The following PSMB3 variants were observed in gnomAD, a reference collection of about 807,000 sequenced individuals.
The protein encoded by PSMB3 is proteasome subunit beta type-3.
Under a neutral mutation model 23.3 loss-of-function variants are expected in PSMB3, and 5 were observed. That is an observed-to-expected ratio of 0.21 (90% CI 0.11 to 0.45). PSMB3 has a LOEUF of 0.45. Ranked by LOEUF, PSMB3 falls within the 20% of genes least tolerant of loss-of-function variation. PSMB3 has a pLI of 0.99. For synonymous variants in PSMB3, 85 were observed against 99.8 expected (o/e 0.85, Z 0.88); for missense variants, 192 against 277.9 (o/e 0.69, Z 2.20).
intron 5 of PSMB3, 117 bp downstream of exon 5, chr17:38,762,622 GC>G (rs1908492642): frequency 1.1e-6 from 1 of 936,150 alleles, no homozygotes; most frequent in East Asian, 2.6e-5. Flanking sequence ...TAAGAAAGGT[GC>G]TTTTGGCAGT....
intron 3 of PSMB3, among the ~76,000 whole-genome samples, chr17:38,758,476 A>C (rs1598032550): frequency 6.6e-6 from 1 of 152,034 alleles, no homozygotes; most frequent in East Asian, 1.9e-4. Context: ...AGTAGCTGGG[A>C]CCATAGGTGC....
intron 1 of PSMB3, 120 bp from the exon 2 acceptor site, chr17:38,753,030 G>T: frequency 2.4e-6 from 3 of 1,274,594 alleles, no homozygotes; most frequent in South Asian, 1.5e-5. Context: ...GGAGAACCAG[G>T]GGTTCAGACG....
At chr17:38,758,236 C>T (rs1052745469) in intron 3 of PSMB3, among the ~76,000 whole-genome samples, 1 of 152,174 alleles carries the variant, frequency 6.6e-6, no homozygotes, top group Non-Finnish European at 1.5e-5. Context: ...ATAGAGGAAG[C>T]TCCCGTCAAT....
At chr17:38,755,342 C>T (rs1406128664) in intron 2 of PSMB3, 1 of 151,682 alleles carries the variant, frequency 6.6e-6, no homozygotes, top group Non-Finnish European at 1.5e-5. Context: ...TGTATTATTC[C>T]AGTTTTAATA....
In PSMB3 at chr17:38,752,877, C is replaced by A. The variant is rs1907995594; in HGVS notation, c.3+48C>A. ...AGGGGCATGGGGAAGGATTGAGAAG[C>A]GGAGGGGGTCAGGAGAGGCTTGGGG... On this transcript the variant is annotated intron_variant, in intron 1 of 5. Transcript: ENST00000619426. The surrounding 1 kb of genome is among the most constrained non-coding windows in gnomAD (Gnocchi z 5.5). 1.9e-6 allele frequency: 3 copies of A among 1,610,374 alleles called. No individual in the cohort carries two copies. Among genetic ancestry groups the A allele is most frequent in the Admixed American group, 1.7e-5 (1 of 59,822 alleles).
At chr17:38,759,764 G>A (rs1260634722) in intron 3 of PSMB3, among the ~76,000 whole-genome samples, 1 of 152,118 alleles carries the variant, frequency 6.6e-6, no homozygotes, top group Non-Finnish European at 1.5e-5. Context: ...AGCCAGGAAG[G>A]TCTCGATCTC....
At chr17:38,758,064 G>A (rs760733861) in intron 3 of PSMB3, among the ~76,000 whole-genome samples, 21 of 152,102 alleles carry the variant, frequency 1.4e-4, no homozygotes, top group South Asian at 4.1e-4. Context: ...TGCTGATGCC[G>A]AGTTACCATC....
chr17:38,755,709 T>TGCGC (rs1188889191), intron 2 of PSMB3, among the ~76,000 whole-genome samples, 174 bp from the exon 3 acceptor site: 8 of 140,014 alleles, frequency 5.7e-5, no homozygotes, highest in African/African-American at 2.3e-4. Context: ...TGTGTGTGTG[T>TGCGC]GTGTGTGCTG....
chr17:38,753,314 C>T lies in PSMB3; in HGVS notation c.168C>T (p.Leu56=). 6.2e-7 allele frequency: 1 copy of T among 1,613,928 alleles called. No homozygotes were observed. ...GGCTGTACATCGGTCTGGCCGGGCT[C>T]GCCACTGACGTCCAGACAGTGTAAG... is the stretch of plus-strand genomic sequence containing the variant. ...GDRLYIGLAG[L]ATDVQTVAQR... The change falls in exon 2 of 6, where the codon CTC becomes CTT. Residue 56 remains leucine, a synonymous_variant. Coordinates refer to ENST00000619426, the MANE Select transcript of PSMB3 (RefSeq NM_002795.4).
At chr17:38,761,044 C>CT (rs1048960300) in intron 4 of PSMB3, among the ~76,000 whole-genome samples, 22 of 152,106 alleles carry the variant, frequency 1.4e-4, no homozygotes, top group African/African-American at 5.3e-4. Context: ...ATAAAAAAGT[C>CT]TGCCTTAGAA....
chr17:38,764,133 T>C lies in PSMB3; in HGVS notation c.584T>C (p.Ile195Thr), dbSNP rs200486857. 6.0e-4 allele frequency: 974 copies of C among 1,614,204 alleles called. 12 individuals carry two copies. The South Asian group carries it at 6.6e-3, about 11-fold the overall frequency. ...VIVHIIEKDK[I>T]TTRTLKARMD ...TCCCTCTGCAGCGAGAAGGACAAAA[T>C]CACCACCAGGACACTGAAGGCCCGA... The change falls in exon 6 of 6, where the codon ATC (isoleucine) becomes ACC (threonine). Residue 195 changes from isoleucine (I) to threonine (T), a missense_variant. Physicochemically the swap from Ile to Thr is moderately conservative, Grantham distance 89 (BLOSUM62 -1). Transcript: ENST00000619426.
At chr17:38,755,676 A>ATGTGTGTGTGTGTGTGTGTG (rs1377200061) in intron 2 of PSMB3, among the ~76,000 whole-genome samples, 2 of 107,784 alleles carry the variant, frequency 1.9e-5, no homozygotes, top group African/African-American at 3.6e-5. Context: ...ATATATATAT[A>ATGTGTGTGTGTGTGTGTGTG]TATATATGTG....
At chr17:38,758,765 G>A (rs1339948916) in intron 3 of PSMB3, among the ~76,000 whole-genome samples, 1 of 152,200 alleles carries the variant, frequency 6.6e-6, no homozygotes, top group Non-Finnish European at 1.5e-5. Context: ...CTGTGATCCA[G>A]GCCTGGAGCA....
rs1908388548 is a variant in PSMB3, at chr17:38,760,465, G to A, written c.331G>A (p.Gly111Arg). ...TTACTACACTGAGCCAGTCATTGCC[G>A]GGTTGGACCCGAAGACCTTTAAGCC... ...GPYYTEPVIA[G>R]LDPKTFKPFI... Residue 111 changes from glycine to arginine, a missense_variant, in exon 4 of 6, where the codon GGG (glycine) becomes AGG (arginine). Transcript: ENST00000619426. 5 of 1,614,222 alleles carry A rather than the reference G, an allele frequency of 3.1e-6. No individual in the cohort carries two copies. The highest frequency in any genetic ancestry group is 2.2e-5 in the East Asian group (1 of 44,888).
chr17:38,762,138 G>T (rs1014904914), intron 4 of PSMB3: 2 of 414,558 alleles, frequency 4.8e-6, no homozygotes, highest in Non-Finnish European at 4.3e-6. Context: ...CTGAGGCTCA[G>T]TGAAGAGAGA....
At chr17:38,763,912 T>C (rs1016965244) in intron 5 of PSMB3, among the ~76,000 whole-genome samples, 1 of 152,194 alleles carries the variant, frequency 6.6e-6, no homozygotes, top group Non-Finnish European at 1.5e-5. Flanking sequence ...TCTCTGTTCC[T>C]ATCCCTCCTT....
rs373904567 is a variant in PSMB3, at chr17:38,761,590, G to C, written c.475-821G>C. Among the ~76,000 whole-genome samples the C allele has an allele frequency of 7.9e-5, 12 of 152,174 alleles. No homozygotes were observed. In the East Asian group the frequency reaches 1.2e-3, roughly 15 times the overall value. ...CTGTTGAACTGCAGTTTGTTGGGAAGAGGAGGAAAGAAAGGGTCTGGGGGC... is the reference window on the plus strand; with the variant it reads ...CTGTTGAACTGCAGTTTGTTGGGAACAGGAGGAAAGAAAGGGTCTGGGGGC... On this transcript the variant is annotated intron_variant, in intron 4 of 5. Transcript: ENST00000619426.
chr17:38,762,210 T>C, intron 4 of PSMB3: 2 of 553,348 alleles, frequency 3.6e-6, no homozygotes, highest in Admixed American at 3.3e-5. Flanking sequence ...TTGAAGTCTC[T>C]TTCACTTTCC....
At chr17:38,763,791 C>T (rs866363944) in intron 5 of PSMB3, among the ~76,000 whole-genome samples, 11 of 152,124 alleles carry the variant, frequency 7.2e-5, no homozygotes, top group East Asian at 1.9e-4. Flanking sequence ...CATGAGCCAC[C>T]GCGCCCGGCC....
Sources: allele counts gnomAD v4.1 joint callset (sites outside exome capture counted in the v4.1 genomes callset), GRCh38; gene constraint gnomAD v4.1.1; non-coding constraint Gnocchi (gnomAD v3.1); transcripts MANE v1.5; gene names NCBI Gene and HGNC (gene_info 2026-07-23, HGNC 2026-07-21).